Variants in VTI1A observed in about 807,000 individuals in gnomAD.
VTI1A encodes vesicle transport through interaction with t-SNAREs 1A, also known as vesicle transport through interaction with t-SNAREs homolog 1A.
Under a neutral mutation model 34.9 loss-of-function variants are expected in VTI1A, and 22 were observed. The ratio of observed to expected loss-of-function variants is 0.63; its 90% CI spans 0.45 to 0.90. The LOEUF (loss-of-function observed/expected upper bound fraction) is 0.90. VTI1A is among the 40% of genes least tolerant of loss of function. VTI1A has a pLI of 0.00. For synonymous variants in VTI1A, 87 were observed against 97.3 expected (o/e 0.89, Z 0.62); for missense variants, 268 against 275.6 (o/e 0.97, Z 0.20).
intron 3 of VTI1A, among the ~76,000 whole-genome samples, chr10:112,483,802 A>G (rs1347539317): frequency 6.6e-6 from 1 of 152,044 alleles, no homozygotes; most frequent in Non-Finnish European, 1.5e-5. Context: ...AGAGAATATT[A>G]ACAATAACAA....
At chr10:112,556,005 T>C (rs1418336589) in intron 5 of VTI1A, among the ~76,000 whole-genome samples, 1 of 152,018 alleles carries the variant, frequency 6.6e-6, no homozygotes, top group Non-Finnish European at 1.5e-5. Context: ...CTATAGCTCA[T>C]GGCAAGAATA....
At chr10:112,696,402 G>T (rs145794458) in intron 7 of VTI1A, among the ~76,000 whole-genome samples, 3 of 152,082 alleles carry the variant, frequency 2.0e-5, no homozygotes, top group Admixed American at 2.0e-4. Flanking sequence ...TGGTTTGCAT[G>T]CATTTCAAGA....
chr10:112,556,078 A>G (rs913185661), intron 5 of VTI1A, among the ~76,000 whole-genome samples: 16 of 152,036 alleles, frequency 1.1e-4, no homozygotes, highest in African/African-American at 3.1e-4. Context: ...GTCTGAAAAG[A>G]GATTAATAAT....
chr10:112,752,064 A>G (rs545967774), intron 7 of VTI1A, among the ~76,000 whole-genome samples: 1 of 152,336 alleles, frequency 6.6e-6, no homozygotes, highest in Admixed American at 6.5e-5. Context: ...GAACTCAGGG[A>G]AGTCAGGTCT....
intron 3 of VTI1A, among the ~76,000 whole-genome samples, chr10:112,485,773 A>G (rs1848605416): frequency 6.6e-6 from 1 of 152,212 alleles, no homozygotes; most frequent in African/African-American, 2.4e-5. Flanking sequence ...AGTTGCCTGT[A>G]TCTTTTAACT....
chr10:112,754,469 T>C (rs1484162725), intron 7 of VTI1A, among the ~76,000 whole-genome samples: 2 of 152,240 alleles, frequency 1.3e-5, no homozygotes, highest in East Asian at 3.8e-4. Flanking sequence ...TAAAAGTTCA[T>C]TGTAGAAATT....
intron 7 of VTI1A, chr10:112,736,602 A>G (rs977841085): frequency 3.4e-6 from 5 of 1,466,498 alleles, no homozygotes; most frequent in East Asian, 2.5e-5. Flanking sequence ...GGCTCCTCTG[A>G]TAAGAAACCA....
intron 7 of VTI1A, among the ~76,000 whole-genome samples, chr10:112,728,041 C>G (rs548339911): frequency 2.0e-5 from 3 of 152,172 alleles, no homozygotes; most frequent in Non-Finnish European, 4.4e-5. Flanking sequence ...ATCTGTGACA[C>G]AGCAGGCTGC....
intron 3 of VTI1A, among the ~76,000 whole-genome samples, chr10:112,473,986 C>G (rs564725625): frequency 1.2e-4 from 19 of 152,212 alleles, no homozygotes; most frequent in Middle Eastern, 6.8e-3. Flanking sequence ...CTGGCCTTAC[C>G]CTAAATCCAC....
chr10:112,854,560 C>T, the VTI1A span, among the ~76,000 whole-genome samples: 1 of 152,178 alleles, frequency 6.6e-6, no homozygotes, highest in Non-Finnish European at 1.5e-5. Flanking sequence ...TCCAGCACTG[C>T]TGTTCCATGG....
chr10:112,830,849 A>ATATATATATATATATATATATATATTTT, the VTI1A span, among the ~76,000 whole-genome samples: 9 of 33,494 alleles, frequency 2.7e-4, no homozygotes, highest in African/African-American at 2.9e-4. Flanking sequence ...ATATATATAT[A>ATATATATATATATATATATATATATTTT]TTTTTTTTTT....
At chr10:112,491,658 A>G (rs986405067) in intron 3 of VTI1A, among the ~76,000 whole-genome samples, 1 of 152,232 alleles carries the variant, frequency 6.6e-6, no homozygotes, top group Non-Finnish European at 1.5e-5. Flanking sequence ...AATATTAAAA[A>G]TTTTAATGAG....
intron 7 of VTI1A, among the ~76,000 whole-genome samples, chr10:112,759,195 T>C (rs892049167): frequency 6.6e-6 from 1 of 152,188 alleles, no homozygotes; most frequent in Non-Finnish European, 1.5e-5. Context: ...GCAATGCTGA[T>C]GTGGAGAGGT....
At chr10:112,851,497 G>A in the VTI1A span, among the ~76,000 whole-genome samples, 3 of 152,268 alleles carry the variant, frequency 2.0e-5, no homozygotes, top group East Asian at 5.8e-4. Context: ...GCACCTTCAG[G>A]CAGCCCTGCC....
At position 112,558,222 on chromosome 10, in the gene VTI1A, C is replaced by A. The variant is rs149590733; in HGVS notation, c.427+19892C>A. Among the ~76,000 whole-genome samples the A allele has an allele frequency of 3.2e-3, 492 of 152,250 alleles. 3 individuals are homozygous for A. The highest frequency in any genetic ancestry group is 0.012 in the African/African-American group (483 of 41,550). ...GTATGGCAGTGTCAGGACTGGGCTT[C>A]ATCCCAAGGAAGTGAAAATCCAGTA... On this transcript the variant is annotated intron_variant, in intron 5 of 7. Transcript: ENST00000393077.
intron 5 of VTI1A, among the ~76,000 whole-genome samples, chr10:112,619,020 A>G (rs61872369): frequency 0.088 from 13,381 of 152,174 alleles, 669 homozygotes; most frequent in Non-Finnish European, 0.11. Context: ...AACAAAAAAT[A>G]AATACATCTT....
At chr10:112,506,510 G>C (rs1291510355) in intron 3 of VTI1A, among the ~76,000 whole-genome samples, 1 of 152,158 alleles carries the variant, frequency 6.6e-6, no homozygotes, top group Non-Finnish European at 1.5e-5. Context: ...GGTTTTTGCA[G>C]TCTACTTTCA....
intron 7 of VTI1A, among the ~76,000 whole-genome samples, chr10:112,688,610 C>T: frequency 6.6e-6 from 1 of 151,478 alleles, no homozygotes; most frequent in East Asian, 1.9e-4. Flanking sequence ...CAACCTCCGC[C>T]TCCTAGGTTC....
At chr10:112,634,512 CAT>C (rs1439139918) in intron 5 of VTI1A, among the ~76,000 whole-genome samples, 58 of 68,902 alleles carry the variant, frequency 8.4e-4, no homozygotes, top group African/African-American at 3.2e-3. Context: ...CACACACACA[CAT>C]ACACACACAC....
Sources: allele counts gnomAD v4.1 joint callset (sites outside exome capture counted in the v4.1 genomes callset), GRCh38; gene constraint gnomAD v4.1.1; transcripts MANE v1.5; gene names NCBI Gene and HGNC (gene_info 2026-07-23, HGNC 2026-07-21).